Variants in C10orf105 observed in about 807,000 individuals in gnomAD.
C10orf105 encodes the protein chromosome 10 open reading frame 105.
In C10orf105, 2 loss-of-function variants were observed where a neutral mutation model predicts 0.6. That is an observed-to-expected ratio of 3.18 (90% CI 1.30 to 10.01). The LOEUF (loss-of-function observed/expected upper bound fraction) is 10.01, where lower values mean the gene tolerates loss of function less well. C10orf105 is among the 30% of genes most tolerant of loss of function. The pLI, the probability that C10orf105 is intolerant of heterozygous loss-of-function variation, is 0.04. For synonymous variants in C10orf105, 95 were observed against 82.4 expected (o/e 1.15, Z -0.83); for missense variants, 209 against 191.4 (o/e 1.09, Z -0.54).
Position 71,725,515 on chromosome 10 carries a change from G to A in C10orf105, c.-5-9173C>T, listed in dbSNP as rs80028391. 1.6e-3 allele frequency: 2,634 copies of A among 1,612,846 alleles called. 51 individuals carry two copies. The African/African-American group carries it at 0.032, about 20-fold the overall frequency. On this transcript the variant is annotated intron_variant, in intron 1 of 1. Coordinates refer to the C10orf105 transcript ENST00000398786. ...CGACCTGGGCCCCATGCGGAGCTCC[G>A]TCAGGGTGAGGCTAGGGGCGGGCTG... is the stretch of plus-strand genomic sequence containing the variant.
intron 1 of C10orf105, among the ~76,000 whole-genome samples, chr10:71,735,729 G>A (rs1436083859): frequency 5.3e-5 from 8 of 152,234 alleles, no homozygotes; most frequent in Non-Finnish European, 1.2e-4. Flanking sequence ...CTCCCTGGAG[G>A]TGCCCAGTTC....
chr10:71,734,225 G>T (rs1839486046), intron 1 of C10orf105: 1 of 1,596,578 alleles, frequency 6.3e-7, no homozygotes, highest in Non-Finnish European at 8.5e-7. Context: ...CACCCATCTG[G>T]CCCCTTCCCT....
intron 1 of C10orf105, among the ~76,000 whole-genome samples, chr10:71,730,876 C>T (rs1589381358): frequency 6.6e-6 from 1 of 152,238 alleles, no homozygotes; most frequent in East Asian, 1.9e-4. Context: ...ATCCCAGGAC[C>T]CAGCAGCTCC....
chr10:71,727,437 C>A (rs1056756453), intron 1 of C10orf105, among the ~76,000 whole-genome samples: 3 of 152,224 alleles, frequency 2.0e-5, no homozygotes, highest in African/African-American at 7.2e-5. Flanking sequence ...AGCCTCCACA[C>A]CCATGAGACC....
rs1027856648 is a variant in C10orf105, at chr10:71,714,539, G to T, written c.*1397C>A. The T allele has an allele frequency of 1.3e-5, 2 of 152,250 alleles. No homozygotes were observed. Among genetic ancestry groups the T allele is most frequent in the Non-Finnish European group, 2.9e-5 (2 of 68,068 alleles). 9.4% of individuals were successfully genotyped at this position (152,250 alleles called of 1,614,324 possible). A position where few individuals can be genotyped will look rare whatever the true frequency, so the allele number is the denominator to read the frequency against. On this transcript the variant is annotated 3_prime_UTR_variant, in exon 2 of 2. Transcript: ENST00000441508. ...CAGGCAGGAGGGCTTCACAGAGTGG[G>T]TGTGTGTGAAGCATAAGCCACAGTT...
At chr10:71,727,454 A>T (rs1866867237) in intron 1 of C10orf105, among the ~76,000 whole-genome samples, 1 of 152,138 alleles carries the variant, frequency 6.6e-6, no homozygotes, top group Non-Finnish European at 1.5e-5. Flanking sequence ...GACCCGGGAG[A>T]GCTGGGGGCC....
In C10orf105 at chr10:71,732,343, G is replaced by A. The variant is rs1252162825; in HGVS notation, c.-6+5385C>T. 5 of 1,579,838 alleles carry A rather than the reference G, an allele frequency of 3.2e-6. No homozygotes were observed. Among genetic ancestry groups the A allele is most frequent in the African/African-American group, 1.3e-5 (1 of 74,102 alleles). On this transcript the variant is annotated intron_variant, in intron 1 of 1. Coordinates refer to the C10orf105 transcript ENST00000398786. The stretch of plus-strand genomic sequence containing the variant: ...CTTCAACGCCTACACCAGCACCCAG[G>A]CCAAAGCCCTCTTCAAGATAGACGC...
upstream of C10orf105, among the ~76,000 whole-genome samples, chr10:71,720,099 A>C (rs752834839): frequency 6.6e-6 from 1 of 152,214 alleles, no homozygotes; most frequent in Non-Finnish European, 1.5e-5. Flanking sequence ...TTCGCTATTC[A>C]GTGCCTGCCA....
chr10:71,716,425 T>C, intron 1 of C10orf105, 83 bp from the exon 2 acceptor site: 3 of 1,138,780 alleles, frequency 2.6e-6, no homozygotes, highest in South Asian at 3.3e-5. Context: ...ACCTAGGGAA[T>C]GTGGATGGGG....
intron 1 of C10orf105, chr10:71,732,358 A>G: frequency 6.4e-6 from 10 of 1,569,288 alleles, no homozygotes; most frequent in Non-Finnish European, 8.6e-6. Flanking sequence ...AGCCCTCTTC[A>G]AGATAGACGC....
intron 1 of C10orf105, among the ~76,000 whole-genome samples, chr10:71,719,042 C>G (rs778295110): frequency 6.6e-6 from 1 of 151,854 alleles, no homozygotes; most frequent in South Asian, 2.1e-4. Context: ...CATGCCACTG[C>G]GCTACAGCCT....
At chr10:71,737,742 G>T (rs534466092) in exon 1 of C10orf105, 13 of 470,046 alleles carry the variant, frequency 2.8e-5, no homozygotes, top group African/African-American at 2.4e-4. Context: ...GATTCCAGCC[G>T]CAGTGGCCTG....
intron 1 of C10orf105, among the ~76,000 whole-genome samples, chr10:71,733,201 C>T (rs1668782764): frequency 6.6e-6 from 1 of 152,102 alleles, no homozygotes; most frequent in African/African-American, 2.4e-5. Flanking sequence ...TAAAGGATAC[C>T]AACAAACAGC....
At chr10:71,735,816 TGTGATG>T (rs770070614) in intron 1 of C10orf105, among the ~76,000 whole-genome samples, 13 of 152,148 alleles carry the variant, frequency 8.5e-5, no homozygotes, top group Admixed American at 5.9e-4. Context: ...TGAGTGAGGC[TGTGATG>T]GGCAAGAAGT....
intron 1 of C10orf105, chr10:71,731,993 G>T: frequency 6.2e-7 from 1 of 1,613,448 alleles, no homozygotes; most frequent in Non-Finnish European, 8.5e-7. Flanking sequence ...ACAGGGGATG[G>T]TGGCCTGGTG....
chr10:71,723,413 CCA>C (rs1171355168), upstream of C10orf105, among the ~76,000 whole-genome samples: 1 of 152,154 alleles, frequency 6.6e-6, no homozygotes, highest in Non-Finnish European at 1.5e-5. Flanking sequence ...ACGTCCCCCC[CCA>C]CACACAAGCC....
At chr10:71,720,273 G>A (rs1418039193), upstream of C10orf105, among the ~76,000 whole-genome samples, 9 of 152,184 alleles carry the variant, frequency 5.9e-5, no homozygotes, top group African/African-American at 1.7e-4. Flanking sequence ...CTTTGAAGGT[G>A]TCTGGCTACA....
upstream of C10orf105, chr10:71,724,190 AT>A: frequency 6.9e-7 from 1 of 1,452,170 alleles, no homozygotes; most frequent in South Asian, 1.2e-5. Flanking sequence ...GGTCTGGGAG[AT>A]GAGGCCAAGA....
rs971168150 is a variant in C10orf105, at chr10:71,715,457, C to T, written c.*479G>A. The T allele has an allele frequency of 4.6e-5, 7 of 152,744 alleles. No homozygotes were observed. In the East Asian group the frequency reaches 1.3e-3, roughly 29 times the overall value. The allele number at this position is 152,744 out of a possible 1,614,324, so 9.5% of individuals were successfully genotyped here. On this transcript the variant is annotated 3_prime_UTR_variant, in exon 2 of 2. Transcript: ENST00000441508. ...AGGAAGAGAGCCCCGAGGTTTTGCCCCAGCACTGGGCCAGCACAGATGCCA... is the reference window on the plus strand; with the variant it reads ...AGGAAGAGAGCCCCGAGGTTTTGCCTCAGCACTGGGCCAGCACAGATGCCA...
Sources: allele counts gnomAD v4.1 joint callset (sites outside exome capture counted in the v4.1 genomes callset), GRCh38; gene constraint gnomAD v4.1.1; transcripts MANE v1.5; gene names NCBI Gene and HGNC (gene_info 2026-07-23, HGNC 2026-07-21).